The following LGR5 variants were observed in gnomAD, a reference collection of about 807,000 sequenced individuals.
The protein encoded by LGR5 is leucine rich repeat containing G protein-coupled receptor 5.
LGR5 carries 54 observed loss-of-function variants against 76.7 expected under a neutral mutation model. The observed-to-expected ratio is 0.70, with a 90% CI of 0.57 to 0.88. LGR5 has a LOEUF of 0.88. LGR5 is among the 40% of genes least tolerant of loss of function. The pLI is 0.00. For synonymous variants in LGR5, 406 were observed against 421.9 expected (o/e 0.96, Z 0.46); for missense variants, 1,078 against 1,073.3 (o/e 1.00, Z -0.06).
At chr12:71,528,301 T>C (rs1468765715) in intron 3 of LGR5, among the ~76,000 whole-genome samples, 1 of 151,806 alleles carries the variant, frequency 6.6e-6, no homozygotes, top group Non-Finnish European at 1.5e-5. Context: ...CTACAAAAAA[T>C]ACAAAAATTA....
In LGR5 at chr12:71,551,394, C is replaced by T. The variant is rs1877476770; in HGVS notation, c.429-1679C>T. Among the ~76,000 whole-genome samples, 8 of 152,324 alleles carry T rather than the reference C, an allele frequency of 5.3e-5. No individual in the cohort carries two copies. The South Asian group carries it at 1.7e-3, about 32-fold the overall frequency. On this transcript the variant is annotated intron_variant, in intron 4 of 17. Transcript: ENST00000266674. ...TTTTGTGATCCTGGTGTGCTTCCTG[C>T]ATCTGTTTAGTCTTAAATGCTTCCA...
chr12:71,538,154 A>C (rs978623236), intron 4 of LGR5, among the ~76,000 whole-genome samples: 2 of 152,100 alleles, frequency 1.3e-5, no homozygotes, highest in Admixed American at 1.3e-4. Context: ...CCTTCTCAAC[A>C]CTGGCTACAA....
At chr12:71,542,592 G>A (rs553022258) in intron 4 of LGR5, among the ~76,000 whole-genome samples, 8 of 152,282 alleles carry the variant, frequency 5.3e-5, no homozygotes, top group African/African-American at 1.4e-4. Flanking sequence ...AGATGGATTC[G>A]AGAAATATCT....
intron 1 of LGR5, among the ~76,000 whole-genome samples, chr12:71,503,155 A>T (rs1874688436): frequency 8.0e-6 from 1 of 125,160 alleles, no homozygotes; most frequent in Non-Finnish European, 1.9e-5. Flanking sequence ...AACTGCATTG[A>T]TCAGTTTAAA....
At chr12:71,520,431 T>C (rs1345868967) in intron 2 of LGR5, among the ~76,000 whole-genome samples, 1 of 152,142 alleles carries the variant, frequency 6.6e-6, no homozygotes, top group Non-Finnish European at 1.5e-5. Flanking sequence ...TAATCAGGTA[T>C]GGAGATTTTG....
chr12:71,474,498 G>A (rs971586751), intron 1 of LGR5, among the ~76,000 whole-genome samples: 4 of 152,164 alleles, frequency 2.6e-5, no homozygotes, highest in Non-Finnish European at 5.9e-5. Context: ...GTTTAGGTGG[G>A]AGACCCACAC....
chr12:71,441,517 T>A (rs890880870), intron 1 of LGR5: 14 of 152,352 alleles, frequency 9.2e-5, no homozygotes, highest in Non-Finnish European at 1.6e-4. Flanking sequence ...TCCATCTGTT[T>A]AGTTGTTTTC....
At chr12:71,461,689 T>C (rs1054444455) in intron 1 of LGR5, among the ~76,000 whole-genome samples, 1 of 152,142 alleles carries the variant, frequency 6.6e-6, no homozygotes, top group African/African-American at 2.4e-5. Context: ...CCATATTCAT[T>C]GCCACCATTT....
At chr12:71,582,663 TC>T in intron 17 of LGR5, 124 bp downstream of exon 17, 1 of 673,570 alleles carries the variant, frequency 1.5e-6, no homozygotes, top group Non-Finnish European at 2.7e-6. Flanking sequence ...TCAGTAACCC[TC>T]CCCATAGTGG....
intron 1 of LGR5, among the ~76,000 whole-genome samples, chr12:71,483,629 C>T (rs1873704253): frequency 6.6e-6 from 1 of 152,142 alleles, no homozygotes; most frequent in African/African-American, 2.4e-5. Flanking sequence ...AGTCACACAA[C>T]TGGGTTCAGA....
intron 12 of LGR5, 65 bp from the exon 13 acceptor site, chr12:71,572,785 T>A (rs1878672047): frequency 8.1e-7 from 1 of 1,233,410 alleles, no homozygotes; most frequent in Non-Finnish European, 1.2e-6. Context: ...ATAAAAGTTA[T>A]CTGAAGTCTG....
chr12:71,464,639 A>G (rs1470213214), intron 1 of LGR5, among the ~76,000 whole-genome samples: 1 of 152,182 alleles, frequency 6.6e-6, no homozygotes, highest in African/African-American at 2.4e-5. Context: ...CCTAGAGTAG[A>G]CAGAAGGGAA....
intron 12 of LGR5, 35 bp from the exon 13 acceptor site, chr12:71,572,815 C>G (rs1208297773): frequency 1.9e-6 from 3 of 1,558,832 alleles, no homozygotes; most frequent in Non-Finnish European, 2.7e-6. Context: ...AAACCAGTAA[C>G]TTTGAAATCA....
intron 3 of LGR5, among the ~76,000 whole-genome samples, chr12:71,526,886 C>T (rs771619360): frequency 2.6e-5 from 4 of 152,120 alleles, no homozygotes; most frequent in South Asian, 4.2e-4. Context: ...GGGGACAATA[C>T]GTACAGCAAC....
intron 1 of LGR5, among the ~76,000 whole-genome samples, chr12:71,472,890 A>C (rs959146583): frequency 6.6e-6 from 1 of 152,202 alleles, no homozygotes; most frequent in African/African-American, 2.4e-5. Flanking sequence ...GATTGTATAA[A>C]GCACATTCTA....
chr12:71,452,532 T>G (rs2137211873), intron 1 of LGR5, among the ~76,000 whole-genome samples: 1 of 152,350 alleles, frequency 6.6e-6, no homozygotes, highest in African/African-American at 2.4e-5. Flanking sequence ...GATATAATCT[T>G]ATAATGTGAT....
intron 8 of LGR5, among the ~76,000 whole-genome samples, chr12:71,563,116 A>G (rs1396190808): frequency 6.6e-6 from 1 of 152,094 alleles, no homozygotes; most frequent in South Asian, 2.1e-4. Flanking sequence ...CTGAGGAACT[A>G]GCGGCGCCAA....
intron 1 of LGR5, among the ~76,000 whole-genome samples, chr12:71,461,170 C>G (rs912703124): frequency 6.6e-6 from 1 of 152,156 alleles, no homozygotes; most frequent in Non-Finnish European, 1.5e-5. Flanking sequence ...CTGCCCTGCC[C>G]CCTTCCCTCA....
intron 5 of LGR5, among the ~76,000 whole-genome samples, chr12:71,554,564 A>T (rs2137415084): frequency 6.6e-6 from 1 of 152,340 alleles, no homozygotes; most frequent in Non-Finnish European, 1.5e-5. Context: ...TTTGTTTCAG[A>T]AAAAGACTGT....
Sources: allele counts gnomAD v4.1 joint callset (sites outside exome capture counted in the v4.1 genomes callset), GRCh38; gene constraint gnomAD v4.1.1; transcripts MANE v1.5; gene names NCBI Gene and HGNC (gene_info 2026-07-23, HGNC 2026-07-21).